POP1: variants seen among roughly 807,000 people sequenced by gnomAD.
POP1 encodes POP1 ribonuclease P/MRP subunit.
A neutral mutation model predicts 102.2 loss-of-function variants in POP1; 75 were observed. The ratio of observed to expected loss-of-function variants is 0.73; its 90% confidence interval spans 0.61 to 0.89. The LOEUF (loss-of-function observed/expected upper bound fraction) is 0.89. POP1 is among the 40% of genes least tolerant of loss of function. POP1 has a pLI of 0.00. For synonymous variants in POP1, 436 were observed against 464.1 expected (o/e 0.94, Z 0.78); for missense variants, 1,116 against 1,267.4 (o/e 0.88, Z 1.81).
At chr8:98,156,881 A>G (rs1468242162) in intron 15 of POP1, among the ~76,000 whole-genome samples, 1 of 149,574 alleles carries the variant, frequency 6.7e-6, no homozygotes, top group African/African-American at 2.5e-5. Context: ...GTGACCCTGC[A>G]TTCTGTGCTT....
At chr8:98,136,408 A>T in intron 7 of POP1, 74 bp from the exon 8 acceptor site, 1 of 1,487,486 alleles carries the variant, frequency 6.7e-7, no homozygotes, top group Non-Finnish European at 9.1e-7. Context: ...ATTTAAAAAA[A>T]AAAACCCAAC....
rs1208741579 is a variant in POP1, at chr8:98,136,653, C to A, written c.1183C>A (p.Pro395Thr). ...GAAAGATGATGGAGAAAATGCTAAACCAATTAAAAAAATTATCGGTGATGG... is the reference window on the plus strand; with the variant it reads ...GAAAGATGATGGAGAAAATGCTAAAACAATTAAAAAAATTATCGGTGATGG... ...KRKDDGENAK[P>T]IKKIIGDGTR... The change falls in exon 8 of 16, where the codon CCA (proline) becomes ACA (threonine). Residue 395 changes from proline (P) to threonine (T), a missense_variant. Pro to Thr is a conservative substitution (Grantham distance 38, BLOSUM62 -1). Coordinates refer to ENST00000401707, the MANE Select transcript of POP1 (RefSeq NM_001145860.2). The A allele has an allele frequency of 1.2e-6, 2 of 1,613,338 alleles. No individual in the cohort carries two copies. Among genetic ancestry groups the A allele is most frequent in the Admixed American group, 1.7e-5 (1 of 59,984 alleles).
intron 5 of POP1, 26 bp downstream of exon 5, chr8:98,130,252 T>C: frequency 1.2e-6 from 2 of 1,613,994 alleles, no homozygotes; most frequent in Non-Finnish European, 1.7e-6. Context: ...GGGCTTTTTT[T>C]GTTATTTTTG....
In POP1 at chr8:98,158,233, C is replaced by T. The variant is rs781450402; in HGVS notation, c.3037C>T (p.Leu1013=). The change falls in exon 16 of 16, where the codon CTG becomes TTG. Residue 1013 remains leucine (L), a synonymous_variant. Transcript: ENST00000401707. The part of the protein sequence containing the change: ...GLVLLRPPAS[L]QYRFARIAIE... ...AGTGCTACTGAGGCCTCCCGCCTCT[C>T]TGCAGTATCGATTTGCGAGGATTGC... 1.2e-5 allele frequency: 19 copies of T among 1,611,900 alleles called. No homozygotes were observed. The highest frequency in any genetic ancestry group is 1.5e-5 in the Non-Finnish European group (18 of 1,180,028).
chr8:98,146,490 G>A (rs1356036410), intron 11 of POP1, 78 bp from the exon 12 acceptor site: 8 of 958,848 alleles, frequency 8.3e-6, no homozygotes, highest in African/African-American at 1.6e-5. Flanking sequence ...TGTAACAAAA[G>A]GCCTATTGCC....
At chr8:98,149,820 A>C in intron 13 of POP1, among the ~76,000 whole-genome samples, 1 of 152,278 alleles carries the variant, frequency 6.6e-6, no homozygotes, top group East Asian at 1.9e-4. Flanking sequence ...CTTCGATTCT[A>C]GAGAGTGTAA....
At chr8:98,134,716 G>A in intron 7 of POP1, 57 bp downstream of exon 7, 1 of 1,488,636 alleles carries the variant, frequency 6.7e-7, no homozygotes, top group South Asian at 1.1e-5. Context: ...AATTACTGCT[G>A]GAAGTCAATA....
chr8:98,130,357 A>T, intron 5 of POP1, 131 bp downstream of exon 5: 1 of 1,348,634 alleles, frequency 7.4e-7, no homozygotes, highest in Non-Finnish European at 1.0e-6. Flanking sequence ...CCTGAGCATG[A>T]AGCCCGGGTC....
At position 98,122,364 on chromosome 8, in the gene POP1, A is replaced by T. The variant is rs1372931821; in HGVS notation, c.-2-972A>T. On this transcript the variant is annotated intron_variant, in intron 1 of 15. Coordinates refer to ENST00000401707, the MANE Select transcript of POP1 (RefSeq NM_001145860.2). ...ATTCATGGTAATTTTATGTATAGGT[A>T]GAAGTAAAGACTGGTATTAAAATAC... 2.0e-5 allele frequency among the ~76,000 whole-genome samples: 3 copies of T among 152,190 alleles called. 1 individual carries two copies. In the South Asian group the frequency reaches 6.2e-4, roughly 31 times the overall value.
chr8:98,142,517 A>G (rs1219958335), intron 11 of POP1, among the ~76,000 whole-genome samples: 2 of 152,252 alleles, frequency 1.3e-5, no homozygotes, highest in Non-Finnish European at 2.9e-5. Context: ...ACAATATTTC[A>G]CTATATAGGT....
At chr8:98,143,368 A>C (rs1365097818) in intron 11 of POP1, among the ~76,000 whole-genome samples, 1 of 152,144 alleles carries the variant, frequency 6.6e-6, no homozygotes, top group Non-Finnish European at 1.5e-5. Context: ...ATTATTTTTT[A>C]GCGCAGCTTT....
intron 1 of POP1, among the ~76,000 whole-genome samples, chr8:98,122,770 C>A (rs1816068204): frequency 6.6e-6 from 1 of 152,120 alleles, no homozygotes; most frequent in African/African-American, 2.4e-5. Context: ...TTATAACATT[C>A]ATTTCATTTA....
intron 8 of POP1, 33 bp from the exon 9 acceptor site, chr8:98,136,828 A>C: frequency 6.2e-7 from 1 of 1,609,376 alleles, no homozygotes; most frequent in South Asian, 1.1e-5. Flanking sequence ...GTGTGATGAA[A>C]GTTTCCATTT....
At chr8:98,128,971 G>A (rs149507527) in intron 4 of POP1, among the ~76,000 whole-genome samples, 1 of 151,438 alleles carries the variant, frequency 6.6e-6, no homozygotes, top group South Asian at 2.1e-4. Flanking sequence ...TTTTGTTTTT[G>A]TTTTGCATAT....
Position 98,159,669 on chromosome 8 carries a change from C to G in POP1, c.*1398C>G, listed in dbSNP as rs542818706. The stretch of plus-strand genomic sequence containing the variant: ...GGTGATGAGGTGGGGAAGGATACAG[C>G]AGGTGGTACAGTAGTCAGGAAGTAC... On this transcript the variant is annotated 3_prime_UTR_variant, in exon 16 of 16. Coordinates refer to ENST00000401707, the MANE Select transcript of POP1 (RefSeq NM_001145860.2). 2 of 151,930 alleles carry G rather than the reference C, an allele frequency of 1.3e-5. No individual in the cohort carries two copies. The highest frequency in any genetic ancestry group is 3.9e-4 in the East Asian group (2 of 5,172). The allele number at this position is 151,930 out of a possible 1,614,324, so 9.4% of individuals were successfully genotyped here. A position where few individuals can be genotyped will look rare whatever the true frequency, so the allele number is the denominator to read the frequency against.
chr8:98,121,767 C>T (rs1014739179), intron 1 of POP1, among the ~76,000 whole-genome samples: 5 of 151,736 alleles, frequency 3.3e-5, no homozygotes, highest in Non-Finnish European at 7.4e-5. Context: ...ACTGTAAGCT[C>T]CACCTTCTGG....
intron 14 of POP1, among the ~76,000 whole-genome samples, chr8:98,155,508 C>T (rs552533079): frequency 6.6e-6 from 1 of 152,106 alleles, no homozygotes; most frequent in South Asian, 2.1e-4. Context: ...GTCTCGAACT[C>T]CTGACGTGAC....
rs142629957 is a variant in POP1, at chr8:98,125,004, C to T, written c.142+1525C>T. On this transcript the variant is annotated intron_variant, in intron 2 of 15. Coordinates refer to ENST00000401707, the MANE Select transcript of POP1 (RefSeq NM_001145860.2). ...GAGTCAAGTTCATAAGGTCTAGATTCAGATCCTACAGTTGATGCCTACCAT... is the reference window on the plus strand; with the variant it reads ...GAGTCAAGTTCATAAGGTCTAGATTTAGATCCTACAGTTGATGCCTACCAT... Among the ~76,000 whole-genome samples the T allele has an allele frequency of 4.9e-4, 75 of 152,272 alleles. 1 individual carries two copies. The East Asian group carries it at 0.012, about 24-fold the overall frequency.
intron 1 of POP1, among the ~76,000 whole-genome samples, chr8:98,120,582 G>A (rs1469038744): frequency 6.7e-6 from 1 of 148,654 alleles, no homozygotes; most frequent in Non-Finnish European, 1.5e-5. Flanking sequence ...AAGGATTCTC[G>A]TGCCTCAGCC....
Sources: gnomAD v4.1 joint callset for allele counts (sites outside exome capture counted in the v4.1 genomes callset) on GRCh38, gnomAD v4.1.1 for gene constraint, MANE v1.5 for transcripts, NCBI Gene and HGNC (gene_info 2026-07-23, HGNC 2026-07-21) for gene names.